KAZN: variants seen among roughly 807,000 people sequenced by gnomAD.
KAZN encodes the protein kazrin, periplakin interacting protein, also known as kazrin.
KAZN carries 40 observed loss-of-function variants against 87.4 expected under a neutral mutation model. The observed-to-expected ratio is 0.46, with a 90% CI of 0.36 to 0.60. KAZN has a LOEUF of 0.60. KAZN is among the 20% of genes least tolerant of loss of function. The pLI, the probability that KAZN is intolerant of heterozygous loss-of-function variation, is 0.00. For missense variants in KAZN, 898 were observed against 1,073.9 expected (o/e 0.84, Z 2.29); for synonymous variants, 466 against 458.3 (o/e 1.02, Z -0.22).
At chr1:15,029,943 C>T (rs1671522024) in intron 2 of KAZN, among the ~76,000 whole-genome samples, 1 of 152,190 alleles carries the variant, frequency 6.6e-6, no homozygotes, top group Admixed American at 6.5e-5. Flanking sequence ...GTCAGCGCCC[C>T]TGCCCTCCAG....
intron 2 of KAZN, among the ~76,000 whole-genome samples, chr1:14,286,892 A>G (rs1389154802): frequency 6.6e-6 from 1 of 152,236 alleles, no homozygotes; most frequent in Non-Finnish European, 1.5e-5. Context: ...GCACACATTT[A>G]TGTAAACTGT....
intron 8 of KAZN, among the ~76,000 whole-genome samples, chr1:15,085,147 C>A (rs1283993637): frequency 6.6e-6 from 1 of 151,858 alleles, no homozygotes; most frequent in East Asian, 1.9e-4. Flanking sequence ...AAAAAAAGAC[C>A]TAAGGAAATT....
At chr1:14,412,845 A>C (rs934034786) in intron 2 of KAZN, among the ~76,000 whole-genome samples, 7 of 151,274 alleles carry the variant, frequency 4.6e-5, no homozygotes, top group African/African-American at 1.7e-4. Context: ...TTCTGCCTGG[A>C]TATCAAGATA....
chr1:14,712,104 G>A (rs1041754543), intron 1 of KAZN, among the ~76,000 whole-genome samples: 3 of 152,194 alleles, frequency 2.0e-5, no homozygotes, highest in African/African-American at 4.8e-5. Context: ...TAGGGGCCAG[G>A]TGCTGGATTT....
In KAZN at chr1:14,755,508, G is replaced by A. The variant is rs545995171; in HGVS notation, c.226+156285G>A. On this transcript the variant is annotated intron_variant, in intron 1 of 14. Transcript: ENST00000376030. ...TTTTTAAAGGAAGGAGGAGAACAGC[G>A]CTCCTGGGAAGTTACGATCTCCAGA... Among the ~76,000 whole-genome samples, 9 of 152,218 alleles carry A rather than the reference G, an allele frequency of 5.9e-5. No individual in the cohort carries two copies. In the East Asian group the frequency reaches 1.2e-3, roughly 20 times the overall value.
intron 3 of KAZN, among the ~76,000 whole-genome samples, chr1:15,041,616 C>G (rs1170845032): frequency 6.6e-6 from 1 of 152,136 alleles, no homozygotes; most frequent in Admixed American, 6.5e-5. Flanking sequence ...GGACTACAGG[C>G]ATGAGCCACT....
chr1:14,002,557 T>C (rs1639845428), intron 1 of KAZN, among the ~76,000 whole-genome samples: 1 of 152,232 alleles, frequency 6.6e-6, no homozygotes, highest in Admixed American at 6.5e-5. Context: ...CAGTTAAACC[T>C]CTTTTTGTTC....
chr1:14,261,518 C>G (rs1651015235), intron 2 of KAZN, among the ~76,000 whole-genome samples: 1 of 152,168 alleles, frequency 6.6e-6, no homozygotes, highest in Non-Finnish European at 1.5e-5. Context: ...TCTGCGTGGC[C>G]TTTTACCAAG....
chr1:13,893,042 C>G (rs141852350), exon 1 of KAZN: 5,030 of 152,166 alleles, frequency 0.033, 301 homozygotes, highest in African/African-American at 0.11. Context: ...CCCGCGCTCT[C>G]CCTTTGGCAG....
At chr1:14,588,968 G>A (rs1023366811) in intron 2 of KAZN, among the ~76,000 whole-genome samples, 3 of 152,204 alleles carry the variant, frequency 2.0e-5, no homozygotes, top group African/African-American at 7.2e-5. Flanking sequence ...GTAACTGGAG[G>A]AGAGTTTGGG....
intron 2 of KAZN, among the ~76,000 whole-genome samples, chr1:14,374,330 C>T (rs1197988408): frequency 6.6e-6 from 1 of 152,160 alleles, no homozygotes; most frequent in East Asian, 1.9e-4. Flanking sequence ...CAACCCAAAT[C>T]CTCCAAACTA....
chr1:14,965,450 G>A (rs542041309), intron 2 of KAZN, among the ~76,000 whole-genome samples: 5 of 152,246 alleles, frequency 3.3e-5, no homozygotes, highest in Middle Eastern at 3.4e-3. Context: ...TGATTTCTCC[G>A]CGAATCAAGG....
chr1:14,447,003 C>T (rs138113710), intron 2 of KAZN, among the ~76,000 whole-genome samples: 80 of 152,224 alleles, frequency 5.3e-4, no homozygotes, highest in Non-Finnish European at 9.4e-4. Context: ...CAAATCCCGT[C>T]ACCCAGTTAG....
rs1647135300 is a variant in KAZN at position 14,222,810 on chromosome 1, G to A, written c.249+42218G>A. 2.6e-5 allele frequency among the ~76,000 whole-genome samples: 4 copies of A among 152,236 alleles called. No homozygotes were observed. In the South Asian group the frequency reaches 8.3e-4, roughly 32 times the overall value. On this transcript the variant is annotated intron_variant, in intron 2 of 16. Transcript: ENST00000636203. ...TCTTTGAATCTACAAAGGTCATGAT[G>A]TCCCAGTATTTTGAATCTGCAAATA...
intron 1 of KAZN, among the ~76,000 whole-genome samples, chr1:13,970,140 A>G (rs1371739426): frequency 6.6e-6 from 1 of 152,230 alleles, no homozygotes; most frequent in East Asian, 1.9e-4. Flanking sequence ...AAAGAGGCTG[A>G]AAGGTCAAAT....
chr1:14,790,656 G>A (rs1017808325), intron 1 of KAZN, among the ~76,000 whole-genome samples: 4 of 152,076 alleles, frequency 2.6e-5, no homozygotes, highest in Non-Finnish European at 4.4e-5. Flanking sequence ...TCCAAGTCCC[G>A]CCAGCCAGGG....
intron 1 of KAZN, among the ~76,000 whole-genome samples, chr1:13,981,769 C>T (rs1048919128): frequency 1.4e-4 from 21 of 152,176 alleles, no homozygotes; most frequent in Admixed American, 2.6e-4. Flanking sequence ...TTCTGGCTCT[C>T]GTTCAGCAGG....
chr1:13,921,455 G>A (rs1640065124), intron 1 of KAZN, among the ~76,000 whole-genome samples: 2 of 152,204 alleles, frequency 1.3e-5, no homozygotes, highest in South Asian at 4.1e-4. Context: ...AAAAGAGGCA[G>A]TGGGTCTGAT....
chr1:14,091,195 T>C (rs892509969), intron 1 of KAZN, among the ~76,000 whole-genome samples: 1 of 151,612 alleles, frequency 6.6e-6, no homozygotes, highest in Admixed American at 6.6e-5. Context: ...TATATTGCCA[T>C]GCAAACCTCA....
Sources: gnomAD v4.1 joint callset for allele counts (sites outside exome capture counted in the v4.1 genomes callset) on GRCh38, gnomAD v4.1.1 for gene constraint, MANE v1.5 for transcripts, NCBI Gene and HGNC (gene_info 2026-07-23, HGNC 2026-07-21) for gene names.